Variants in HIP1R observed in about 807,000 individuals in gnomAD.
The protein encoded by HIP1R is huntingtin-interacting protein 1-related protein.
In HIP1R, 135 loss-of-function variants were observed where a neutral mutation model predicts 144.2. The ratio of observed to expected loss-of-function variants is 0.94; its 90% CI spans 0.81 to 1.08. HIP1R has a LOEUF of 1.08. Among genes scored for constraint, HIP1R ranks in the 50% least tolerant of loss-of-function variants. The probability of loss-of-function intolerance (pLI) is 0.00; values close to 1 mark genes in which losing one functional copy is unlikely to be tolerated. For synonymous variants in HIP1R, 698 were observed against 612.8 expected (o/e 1.14, Z -2.05); for missense variants, 1,462 against 1,432.8 (o/e 1.02, Z -0.33).
At chr12:122,837,572 C>T (rs2032943107) in intron 1 of HIP1R, among the ~76,000 whole-genome samples, 1 of 152,204 alleles carries the variant, frequency 6.6e-6, no homozygotes, top group Non-Finnish European at 1.5e-5. Context: ...ACCCGCCTCA[C>T]CTCGGCCTCC....
intron 1 of HIP1R, among the ~76,000 whole-genome samples, chr12:122,846,797 T>G (rs897384): frequency 6.6e-6 from 1 of 152,204 alleles, no homozygotes; most frequent in Non-Finnish European, 1.5e-5. Context: ...CGCAGTCCCC[T>G]AGCTCCCATC....
rs765482688 is a variant in HIP1R at position 122,856,129 on chromosome 12, C to T, written c.1278C>T (p.Gly426=). 1.3e-5 allele frequency: 20 copies of T among 1,589,296 alleles called. No individual in the cohort carries two copies. Among genetic ancestry groups the T allele is most frequent in the African/African-American group, 5.4e-5 (4 of 74,522 alleles). ...AGCTGAGGGCTGCCCAGCTGGAGGG[C>T]GAGCGGAGCCAGGGCCTGCGTGAGG... ...LAQLRAAQLE[G]ERSQGLREEA... The change falls in exon 14 of 32, where the codon GGC becomes GGT. Residue 426 remains glycine (G), a synonymous_variant. Transcript: ENST00000253083.
At position 122,855,973 on chromosome 12, in the gene HIP1R, C is replaced by G; in HGVS notation, c.1129-7C>G. ...GGCAGGGCCCCACGTCACACCTCCT[C>G]CCGCAGGCCCAGCGGTACATCGCGC... On this transcript the variant is annotated splice_region_variant and splice_polypyrimidine_tract_variant and intron_variant, in intron 13 of 31. Transcript: ENST00000253083. 6.3e-7 allele frequency: 1 copy of G among 1,580,818 alleles called. No individual in the cohort carries two copies. The highest frequency in any genetic ancestry group is 8.6e-7 in the Non-Finnish European group (1 of 1,163,952).
chr12:122,858,463 C>T (rs200114957), intron 20 of HIP1R, 28 bp downstream of exon 20: 275 of 1,545,846 alleles, frequency 1.8e-4, no homozygotes, highest in Admixed American at 4.3e-4. Context: ...AGGGCGGAGG[C>T]GGGGGCTGTG....
At chr12:122,842,804 T>C (rs1240119799) in intron 1 of HIP1R, among the ~76,000 whole-genome samples, 2 of 152,218 alleles carry the variant, frequency 1.3e-5, no homozygotes, top group South Asian at 2.1e-4. Context: ...CAGCACTCAC[T>C]GAGATGCTCG....
intron 7 of HIP1R, 49 bp downstream of exon 7, chr12:122,851,346 C>G (rs765944539): frequency 7.0e-7 from 1 of 1,423,660 alleles, no homozygotes; most frequent in Admixed American, 2.8e-5. Flanking sequence ...TGCTAAGTCC[C>G]CAGAGATGGG....
chr12:122,855,382 G>T lies in HIP1R; in HGVS notation c.970G>T (p.Gly324Trp). The T allele has an allele frequency of 6.3e-7, 1 of 1,581,892 alleles. No individual in the cohort carries two copies. Among genetic ancestry groups the T allele is most frequent in the East Asian group, 2.3e-5 (1 of 42,814 alleles). ...EPENLIEIST[G>W]PPAGEPVVVA... ...GGAGAATCTCATTGAGATCAGCACA[G>T]GGCCCCCCGCGGGGGAGCCAGTGGT... The change falls in exon 11 of 32, where the codon GGG (glycine) becomes TGG (tryptophan). Residue 324 changes from glycine to tryptophan, a missense_variant. This residue lies in a region of HIP1R where 1,112 missense variants were observed against 1,011.7 expected (regional missense o/e 1.10). Coordinates refer to ENST00000253083, the MANE Select transcript of HIP1R (RefSeq NM_003959.3).
intron 1 of HIP1R, among the ~76,000 whole-genome samples, chr12:122,843,879 T>C (rs751672387): frequency 1.1e-4 from 17 of 152,146 alleles, no homozygotes; most frequent in Non-Finnish European, 1.9e-4. Flanking sequence ...TGAGATGGAG[T>C]TTAGCTCTGT....
At chr12:122,846,510 G>C (rs2033216345) in intron 1 of HIP1R, among the ~76,000 whole-genome samples, 1 of 152,204 alleles carries the variant, frequency 6.6e-6, no homozygotes, top group African/African-American at 2.4e-5. Flanking sequence ...GCTTCTCACA[G>C]TTGGTGGATA....
chr12:122,860,143 G>C lies in HIP1R; in HGVS notation c.2497-5G>C, dbSNP rs748105706. 4 of 1,585,744 alleles carry C rather than the reference G, an allele frequency of 2.5e-6. No homozygotes were observed. Among genetic ancestry groups the C allele is most frequent in the Non-Finnish European group, 3.4e-6 (4 of 1,167,742 alleles). On this transcript the variant is annotated splice_polypyrimidine_tract_variant and splice_region_variant and intron_variant, in intron 25 of 31. Coordinates refer to ENST00000253083, the MANE Select transcript of HIP1R (RefSeq NM_003959.3). ...CACCAGTCATTGCTGTCTTGGTCTC[G>C]GCAGGCTATCCGGCTCCTGGTGACG...
intron 12 of HIP1R, 47 bp from the exon 13 acceptor site, chr12:122,855,784 G>T: frequency 6.5e-7 from 1 of 1,543,774 alleles, no homozygotes; most frequent in South Asian, 1.2e-5. Context: ...TGGGTCTGTT[G>T]ACTGTTCTGG....
chr12:122,853,914 C>T lies in HIP1R; in HGVS notation c.578-129C>T, dbSNP rs141273955. On this transcript the variant is annotated intron_variant, in intron 7 of 31. Coordinates refer to ENST00000253083, the MANE Select transcript of HIP1R (RefSeq NM_003959.3). ...GGCAGCCACCAGCACATGAGGCTCC[C>T]GTCTTGGAGGCAGGGGGCACACTGG... The T allele has an allele frequency of 4.6e-4, 509 of 1,102,872 alleles. 3 individuals carry two copies. In the African/African-American group the frequency reaches 4.8e-3, roughly 10 times the overall value. The allele number at this position is 1,102,872 out of a possible 1,614,324, so 68.3% of individuals were successfully genotyped here.
At chr12:122,859,563 T>C (rs771872029) in intron 23 of HIP1R, 27 bp downstream of exon 23, 2 of 1,571,626 alleles carry the variant, frequency 1.3e-6, no homozygotes, top group Non-Finnish European at 1.7e-6. Flanking sequence ...GGGACTCCCC[T>C]CATTCCTGTG....
At chr12:122,851,386 C>G (rs2135657800) in intron 7 of HIP1R, 89 bp downstream of exon 7, 3 of 1,096,184 alleles carry the variant, frequency 2.7e-6, no homozygotes, top group South Asian at 3.5e-5. Context: ...CATGAGTGAT[C>G]AGACCAACTG....
At chr12:122,845,370 C>G (rs938125872) in intron 1 of HIP1R, among the ~76,000 whole-genome samples, 7 of 152,250 alleles carry the variant, frequency 4.6e-5, no homozygotes, top group African/African-American at 1.7e-4. Context: ...CACATCTGCC[C>G]ATCCTAGACA....
At chr12:122,854,613 C>A (rs569426236) in intron 8 of HIP1R, among the ~76,000 whole-genome samples, 1 of 152,230 alleles carries the variant, frequency 6.6e-6, no homozygotes, top group Non-Finnish European at 1.5e-5. Context: ...CTGGGACCAA[C>A]GTGTTTGGTG....
rs1026543493 is a variant in HIP1R, at chr12:122,840,922, C to T, written c.93+5279C>T. On this transcript the variant is annotated intron_variant, in intron 1 of 31. Transcript: ENST00000253083. The surrounding 1 kb of genome is among the most constrained non-coding windows in gnomAD (Gnocchi z 4.2). ...GAATAGGGACAGGCGCAGACGAGGC[C>T]CCTTCTCTGACCTGATCCAGAAGCC... Among the ~76,000 whole-genome samples the T allele has an allele frequency of 6.6e-6, 1 of 152,198 alleles. No individual in the cohort carries two copies. Among genetic ancestry groups the T allele is most frequent in the African/African-American group, 2.4e-5 (1 of 41,452 alleles).
chr12:122,847,399 G>C (rs2033240617), intron 1 of HIP1R, among the ~76,000 whole-genome samples: 1 of 152,194 alleles, frequency 6.6e-6, no homozygotes, highest in South Asian at 2.1e-4. Flanking sequence ...GCAGCTCCGG[G>C]TGACAGCTGC....
Position 122,856,088 on chromosome 12 carries a change from C to G in HIP1R, c.1237C>G (p.Arg413Gly). ...GGCCCTGGTGGATAATGAGCAGCTC[C>G]GCCACGAGCTGGCCCAGCTGAGGGC... is the stretch of plus-strand genomic sequence containing the variant. ...QKALVDNEQL[R>G]HELAQLRAAQ... Residue 413 changes from arginine (R) to glycine (G), a missense_variant, in exon 14 of 32, where the codon CGC becomes GGC. Transcript: ENST00000253083. 1 of 1,585,446 alleles carries G rather than the reference C, an allele frequency of 6.3e-7. No individual in the cohort carries two copies. Among genetic ancestry groups the G allele is most frequent in the Non-Finnish European group, 8.6e-7 (1 of 1,166,312 alleles).
Sources: gnomAD v4.1 joint callset for allele counts (sites outside exome capture counted in the v4.1 genomes callset) on GRCh38, gnomAD v4.1.1 for gene constraint, gnomAD v4.1.1 regional missense constraint, Gnocchi (gnomAD v3.1) non-coding constraint, MANE v1.5 for transcripts, NCBI Gene and HGNC (gene_info 2026-07-23, HGNC 2026-07-21) for gene names.